USP15: variants seen among roughly 807,000 people sequenced by gnomAD.
The protein encoded by USP15 is ubiquitin specific peptidase 15.
In USP15, 18 loss-of-function variants were observed where a neutral mutation model predicts 127.1. The ratio of observed to expected loss-of-function variants is 0.14; its 90% CI spans 0.10 to 0.21. USP15 has a LOEUF of 0.21. Among genes scored for constraint, USP15 ranks in the 10% least tolerant of loss-of-function variants. The probability of loss-of-function intolerance (pLI) is 1.00; values close to 1 mark genes in which losing one functional copy is unlikely to be tolerated. For missense variants in USP15, 805 were observed against 1,159.9 expected, an observed-to-expected ratio of 0.69 and a Z score of 4.44; for synonymous variants, 364 against 393.7, an observed-to-expected ratio of 0.92 and a Z score of 0.89.
At chr12:62,326,869 T>TC (rs1343740980) in intron 6 of USP15, among the ~76,000 whole-genome samples, 3 of 152,166 alleles carry the variant, frequency 2.0e-5, no homozygotes, top group African/African-American at 7.2e-5. Flanking sequence ...CAGTGGCACA[T>TC]CCCTGTAATC....
chr12:62,290,150 A>C (rs954799010), intron 1 of USP15, among the ~76,000 whole-genome samples: 3 of 152,186 alleles, frequency 2.0e-5, no homozygotes, highest in Admixed American at 2.0e-4. Flanking sequence ...GTCCAATTTA[A>C]TTCTGGTGTT....
chr12:62,342,546 C>T (rs2065676828), intron 6 of USP15, among the ~76,000 whole-genome samples: 3 of 152,158 alleles, frequency 2.0e-5, no homozygotes, highest in Admixed American at 2.0e-4. Context: ...CATGATTTGT[C>T]TACCTTTGGT....
At chr12:62,355,259 G>C (rs903246719) in intron 7 of USP15, 72 bp from the exon 8 acceptor site, 1 of 1,287,520 alleles carries the variant, frequency 7.8e-7, no homozygotes, top group African/African-American at 1.5e-5. Context: ...TCATAAATAG[G>C]CCTAAAGTAC....
At chr12:62,308,837 T>G (rs2064564923) in intron 3 of USP15, among the ~76,000 whole-genome samples, 2 of 152,210 alleles carry the variant, frequency 1.3e-5, no homozygotes, top group Non-Finnish European at 2.9e-5. Context: ...AACAAAGAGA[T>G]AACCTGATTA....
intron 2 of USP15, among the ~76,000 whole-genome samples, chr12:62,295,144 C>G (rs530979443): frequency 4.6e-5 from 7 of 152,054 alleles, no homozygotes; most frequent in East Asian, 1.9e-4. Flanking sequence ...GACCCCCCCC[C>G]ATAGGGTTGC....
At chr12:62,387,971 A>C (rs2067205081) in intron 11 of USP15, among the ~76,000 whole-genome samples, 2 of 152,178 alleles carry the variant, frequency 1.3e-5, no homozygotes, top group South Asian at 4.1e-4. Context: ...AAGAGACAGA[A>C]AAGTACCTAT....
rs1418040096 is a variant in USP15, at chr12:62,381,241, T to C, written c.916-249T>C. On this transcript the variant is annotated intron_variant, in intron 8 of 21. Coordinates refer to ENST00000280377, the MANE Select transcript of USP15 (RefSeq NM_001252078.2). ...CCAGGTAGTTTGCTGTGGTTAAAAT[T>C]AATGCAGATTTTACAGCAGCGGATA... 2.6e-5 allele frequency among the ~76,000 whole-genome samples: 4 copies of C among 152,116 alleles called. No individual in the cohort carries two copies. In the East Asian group the frequency reaches 7.7e-4, roughly 29 times the overall value.
intron 21 of USP15, among the ~76,000 whole-genome samples, chr12:62,402,498 T>C (rs189403129): frequency 6.6e-6 from 1 of 152,136 alleles, no homozygotes. Context: ...GTGGTAAAGA[T>C]GATGTCTGAC....
chr12:62,336,202 T>A (rs981378757), intron 6 of USP15: 79 of 985,276 alleles, frequency 8.0e-5, no homozygotes, highest in Non-Finnish European at 9.5e-5. Flanking sequence ...CTCCCCCAGC[T>A]CAAACTGACA....
At chr12:62,272,304 A>AT (rs1214652626) in intron 1 of USP15, among the ~76,000 whole-genome samples, 3 of 151,996 alleles carry the variant, frequency 2.0e-5, no homozygotes, top group Non-Finnish European at 2.9e-5. Flanking sequence ...ATTTTTGTGT[A>AT]TTTTTTTACT....
At chr12:62,399,309 C>T (rs1177139055) in intron 20 of USP15, among the ~76,000 whole-genome samples, 1 of 152,146 alleles carries the variant, frequency 6.6e-6, no homozygotes, top group African/African-American at 2.4e-5. Context: ...AAAGTGTGCT[C>T]AAAGGAAGCT....
At chr12:62,312,667 A>C (rs2064717150) in intron 3 of USP15, among the ~76,000 whole-genome samples, 1 of 151,654 alleles carries the variant, frequency 6.6e-6, no homozygotes, top group Admixed American at 6.6e-5. Flanking sequence ...ATACTGAAAC[A>C]TAACTATCAC....
chr12:62,335,568 T>C (rs2065437137), intron 6 of USP15: 1 of 1,037,732 alleles, frequency 9.6e-7, no homozygotes, highest in Non-Finnish European at 1.2e-6. Flanking sequence ...ATGCCTAGCA[T>C]AGTGCCACAC....
intron 3 of USP15, among the ~76,000 whole-genome samples, chr12:62,307,184 G>A (rs567067878): frequency 6.6e-6 from 1 of 152,132 alleles, no homozygotes; most frequent in Non-Finnish European, 1.5e-5. Context: ...TGCAGAAGCA[G>A]TATTAAATGA....
At chr12:62,311,281 A>G (rs1292271514) in intron 3 of USP15, among the ~76,000 whole-genome samples, 1 of 151,916 alleles carries the variant, frequency 6.6e-6, no homozygotes, top group Non-Finnish European at 1.5e-5. Flanking sequence ...ATTACTGGGT[A>G]AAATTAAAGA....
chr12:62,313,889 T>A (rs756910232), intron 3 of USP15: 3 of 207,488 alleles, frequency 1.4e-5, no homozygotes, highest in Non-Finnish European at 2.5e-5. Context: ...AGTCCTCTTT[T>A]GAATTGATGT....
At chr12:62,297,380 G>A (rs533939470) in intron 2 of USP15, among the ~76,000 whole-genome samples, 3 of 152,130 alleles carry the variant, frequency 2.0e-5, no homozygotes, top group South Asian at 2.1e-4. Context: ...CCAGTGTTTG[G>A]TGGGGGCAGA....
At chr12:62,335,143 A>C (rs1024860002) in intron 6 of USP15, 2 of 1,534,340 alleles carry the variant, frequency 1.3e-6, no homozygotes, top group Admixed American at 2.0e-5. Context: ...TATTCTTAGC[A>C]CTTTTTTTTC....
intron 20 of USP15, 106 bp from the exon 21 acceptor site, chr12:62,401,081 T>C (rs2067672621): frequency 1.7e-6 from 1 of 576,132 alleles, no homozygotes; most frequent in Non-Finnish European, 2.9e-6. Context: ...TCATAGATGA[T>C]TATCAGTGTT....
Sources: gnomAD v4.1 joint callset for allele counts (sites outside exome capture counted in the v4.1 genomes callset) on GRCh38, gnomAD v4.1.1 for gene constraint, MANE v1.5 for transcripts, NCBI Gene and HGNC (gene_info 2026-07-23, HGNC 2026-07-21) for gene names.